Variants in NTN5 observed in about 807,000 individuals in gnomAD.
NTN5 encodes the protein netrin 5.
A neutral mutation model predicts 38.7 loss-of-function variants in NTN5; 42 were observed. The ratio of observed to expected loss-of-function variants is 1.08; its 90% CI spans 0.85 to 1.40. The LOEUF (loss-of-function observed/expected upper bound fraction) is 1.40. NTN5 is among the 40% of genes most tolerant of loss of function. The pLI, the probability that NTN5 is intolerant of heterozygous loss-of-function variation, is 0.00. For synonymous variants in NTN5, 329 were observed against 303.9 expected, an observed-to-expected ratio of 1.08 and a Z score of -0.86; for missense variants, 658 against 716.5, an observed-to-expected ratio of 0.92 and a Z score of 0.93.
chr19:48,669,741 AC>A (rs2031870547), intron 2 of NTN5, among the ~76,000 whole-genome samples: 1 of 124,768 alleles, frequency 8.0e-6, no homozygotes. Flanking sequence ...CATCACCATC[AC>A]CACCACCATC....
At chr19:48,669,721 C>CCACCACCACCATCACCAT (rs1568452462) in intron 2 of NTN5, among the ~76,000 whole-genome samples, 1,215 of 106,814 alleles carry the variant, frequency 0.011, 59 homozygotes, top group Non-Finnish European at 0.018. Flanking sequence ...ACCATCACCA[C>CCACCACCACCATCACCAT]CACCACCACC....
In NTN5 at chr19:48,670,523, CCT is replaced by C. The variant is rs1186749337; in HGVS notation, c.462_463del (p.Gly155ProfsTer71). The stretch of plus-strand genomic sequence containing the variant: ...AGCGTGGCCATGACACTGGCAGCGG[CCT>C]CTCAGCCCAGCTGCCGCTAGCCCGG... On this transcript the variant is annotated frameshift_variant, in exon 2 of 7. Transcript: ENST00000270235. LOFTEE classifies it high-confidence loss of function. 40 of 1,488,018 alleles carry C rather than the reference CCT, an allele frequency of 2.7e-5. No individual in the cohort carries two copies. The highest frequency in any genetic ancestry group is 4.0e-5 in the South Asian group (3 of 74,284). 92.2% of individuals were successfully genotyped at this position (1,488,018 alleles called of 1,614,324 possible).
At chr19:48,666,677 CTTTTTTTTTTTTTT>C (rs35638493) in intron 2 of NTN5, among the ~76,000 whole-genome samples, 6 of 41,118 alleles carry the variant, frequency 1.5e-4, no homozygotes, top group African/African-American at 5.6e-4. Context: ...ACAGACCACT[CTTTTTTTTTTTTTT>C]TTTTTTTTTT....
chr19:48,664,806 T>G (rs773818326), intron 2 of NTN5, 39 bp from the exon 3 acceptor site: 1 of 1,473,854 alleles, frequency 6.8e-7, no homozygotes, highest in Non-Finnish European at 9.0e-7. Flanking sequence ...CAGGGCCGAG[T>G]GTGCTGCTCC....
chr19:48,663,842 C>T, intron 4 of NTN5, 28 bp from the exon 5 acceptor site: 1 of 1,608,914 alleles, frequency 6.2e-7, no homozygotes, highest in Non-Finnish European at 8.5e-7. Context: ...AAATTAACCT[C>T]TTAGTCATTT....
intron 2 of NTN5, among the ~76,000 whole-genome samples, chr19:48,669,070 CCACT>C (rs2031786208): frequency 2.4e-5 from 3 of 127,626 alleles, no homozygotes; most frequent in East Asian, 2.3e-4. Context: ...ACCACCACCA[CCACT>C]ATCACCATCA....
At chr19:48,671,387 G>A (rs1568453575) in intron 1 of NTN5, among the ~76,000 whole-genome samples, 1 of 151,792 alleles carries the variant, frequency 6.6e-6, no homozygotes, top group Non-Finnish European at 1.5e-5. Context: ...GGGGGCTTAG[G>A]GACAGATGAA....
At position 48,670,896 on chromosome 19, in the gene NTN5, G is replaced by A; in HGVS notation, c.91C>T (p.Pro31Ser). 1 of 1,608,372 alleles carries A rather than the reference G, an allele frequency of 6.2e-7. No homozygotes were observed. Among genetic ancestry groups the A allele is most frequent in the Non-Finnish European group, 8.5e-7 (1 of 1,177,264 alleles). The change falls in exon 2 of 7, where the codon CCG becomes TCG. Residue 31 changes from proline to serine, a missense_variant. Coordinates refer to ENST00000270235, the MANE Select transcript of NTN5 (RefSeq NM_145807.4). ...ACGGCAGCCAGCTGTGTCACTGGCG[G>A]GAGGCAGAATTGGGGGCGGCCCTGT... Reference protein sequence around the residue: ...DPQGRPQFCLPPVTQLAAVAA... With the variant: ...DPQGRPQFCLSPVTQLAAVAA...
At chr19:48,666,716 C>T (rs1386411829) in intron 2 of NTN5, among the ~76,000 whole-genome samples, 4 of 119,534 alleles carry the variant, frequency 3.3e-5, no homozygotes, top group African/African-American at 1.3e-4. Flanking sequence ...GACAGGGTCT[C>T]ACTCTCGCCC....
chr19:48,670,612 G>A lies in NTN5; in HGVS notation c.375C>T (p.Ser125=), dbSNP rs746535566. The A allele has an allele frequency of 1.2e-5, 19 of 1,596,720 alleles. No individual in the cohort carries two copies. Among genetic ancestry groups the A allele is most frequent in the African/African-American group, 2.7e-5 (2 of 74,608 alleles). Residue 125 remains serine, a synonymous_variant, in exon 2 of 7, where the codon TCC becomes TCT. Coordinates refer to ENST00000270235, the MANE Select transcript of NTN5 (RefSeq NM_145807.4). The part of the protein sequence containing the change: ...LGGPERVTFH[S]TPGPKATVAA... ...CCACAGTGGCCTTAGGACCTGGTGTGGAGTGGAAGGTCACCCTTTCAGGGC... is the reference window on the plus strand; with the variant it reads ...CCACAGTGGCCTTAGGACCTGGTGTAGAGTGGAAGGTCACCCTTTCAGGGC...
At chr19:48,662,144 T>C (rs1601202928) in intron 6 of NTN5, 103 bp from the exon 7 acceptor site, 12 of 1,208,762 alleles carry the variant, frequency 9.9e-6, no homozygotes, top group Non-Finnish European at 1.3e-5. Flanking sequence ...GACCGGTGGG[T>C]GGGCTTCTGG....
intron 6 of NTN5, 123 bp from the exon 7 acceptor site, chr19:48,662,164 G>C: frequency 3.8e-6 from 4 of 1,063,166 alleles, no homozygotes; most frequent in Non-Finnish European, 4.9e-6. Flanking sequence ...GTATCGCAGT[G>C]GGGAGAGAAA....
chr19:48,665,007 G>C (rs2031661859), intron 2 of NTN5, among the ~76,000 whole-genome samples: 1 of 151,852 alleles, frequency 6.6e-6, no homozygotes, highest in African/African-American at 2.4e-5. Context: ...CCACTTCCCA[G>C]GTTCAAGCGA....
chr19:48,669,973 CAT>C (rs2031904047), intron 2 of NTN5, among the ~76,000 whole-genome samples: 1 of 42,236 alleles, frequency 2.4e-5, no homozygotes, highest in South Asian at 6.0e-4. Flanking sequence ...TCACCACCAT[CAT>C]CACCATCATC....
chr19:48,663,184 T>C (rs1319623609), intron 6 of NTN5: 1 of 567,768 alleles, frequency 1.8e-6, no homozygotes, highest in African/African-American at 1.9e-5. Context: ...CCCCTATCTC[T>C]TCCATCCCTC....
Position 48,664,620 on chromosome 19 carries a change from C to T in NTN5, c.779G>A (p.Arg260Lys), listed in dbSNP as rs751381720. 1 of 1,613,698 alleles carries T rather than the reference C, an allele frequency of 6.2e-7. No individual in the cohort carries two copies. The highest frequency in any genetic ancestry group is 1.1e-5 in the South Asian group (1 of 91,034). Reference sequence around the variant, plus strand: ...GCTGAAGATAGGCTGGCTAGGGTCCCTCCAGAACCCAGGTTGGCAGTAGTG... The same window carrying T: ...GCTGAAGATAGGCTGGCTAGGGTCCTTCCAGAACCCAGGTTGGCAGTAGTG... ...HCHYCQPGFWRDPSQPIFSRR... is the reference protein window; with the variant it reads ...HCHYCQPGFWKDPSQPIFSRR... Residue 260 changes from arginine (R) to lysine (K), a missense_variant, in exon 3 of 7, where the codon AGG (arginine) becomes AAG (lysine). By Grantham distance (26) the Arg-to-Lys change is conservative. Coordinates refer to ENST00000270235, the MANE Select transcript of NTN5 (RefSeq NM_145807.4).
Position 48,664,783 on chromosome 19 carries a change from G to C in NTN5, c.632-16C>G. 1 of 1,524,014 alleles carries C rather than the reference G, an allele frequency of 6.6e-7. No homozygotes were observed. The highest frequency in any genetic ancestry group is 8.8e-7 in the Non-Finnish European group (1 of 1,134,474). 94.4% of individuals were successfully genotyped at this position (1,524,014 alleles called of 1,614,324 possible). A position where few individuals can be genotyped will look rare whatever the true frequency, so the allele number is the denominator to read the frequency against. ...CAGGAGCAGGCTAGGAGCAAAATGG[G>C]GTGGGGGCGCATCAGGGCCGAGTGT... On this transcript the variant is annotated splice_polypyrimidine_tract_variant and intron_variant, in intron 2 of 6. Transcript: ENST00000270235.
chr19:48,662,580 C>T (rs866294434), intron 6 of NTN5: 25 of 152,868 alleles, frequency 1.6e-4, no homozygotes, highest in Middle Eastern at 6.8e-3. Flanking sequence ...GATTCTTGTG[C>T]CTCAGCTGGG....
chr19:48,661,708 G>GCCCGCACGCCGCGGCAGCCT lies in NTN5; in HGVS notation c.1419_1438dup (p.Ala480GlufsTer30). On this transcript the variant is annotated frameshift_variant, in exon 7 of 7. Coordinates refer to ENST00000270235, the MANE Select transcript of NTN5 (RefSeq NM_145807.4). LOFTEE classifies it low-confidence loss of function (END_TRUNC). ...CTCCGGCCTGGGACTGGGTGTGGGT[G>GCCCGCACGCCGCGGCAGCCT]CCCGCACGCCGCGGCAGCCTCCGGC... 3.9e-6 allele frequency: 6 copies of GCCCGCACGCCGCGGCAGCCT among 1,557,008 alleles called. No homozygotes were observed. The highest frequency in any genetic ancestry group is 1.1e-5 in the South Asian group (1 of 87,364).
Sources: gnomAD v4.1 joint callset for allele counts (sites outside exome capture counted in the v4.1 genomes callset) on GRCh38, gnomAD v4.1.1 for gene constraint, MANE v1.5 for transcripts, NCBI Gene and HGNC (gene_info 2026-07-23, HGNC 2026-07-21) for gene names.